Variants in MTUS2 observed in about 807,000 individuals in gnomAD.
The protein encoded by MTUS2 is microtubule-associated tumor suppressor candidate 2.
MTUS2 carries 40 observed loss-of-function variants against 114.1 expected under a neutral mutation model. The observed-to-expected ratio is 0.35, with a 90% CI of 0.27 to 0.46. MTUS2 has a LOEUF of 0.46. MTUS2 is among the 20% of genes least tolerant of loss of function. MTUS2 has a pLI of 1.00. For synonymous variants in MTUS2, 688 were observed against 672.0 expected (o/e 1.02, Z -0.37); for missense variants, 1,679 against 1,705.4 (o/e 0.98, Z 0.27).
intron 5 of MTUS2, among the ~76,000 whole-genome samples, chr13:29,158,062 G>A (rs886151117): frequency 1.3e-5 from 2 of 152,152 alleles, no homozygotes; most frequent in African/African-American, 4.8e-5. Context: ...GATGTGTTTT[G>A]TAATCGTCTC....
Position 29,325,725 on chromosome 13 carries a change from C to T in MTUS2, c.2905+1014C>T, listed in dbSNP as rs116254405. Among the ~76,000 whole-genome samples the T allele has an allele frequency of 4.4e-3, 672 of 152,208 alleles. 3 individuals are homozygous for T. Among genetic ancestry groups the T allele is most frequent in the African/African-American group, 0.015 (613 of 41,518 alleles). ...TAATGTTTGAGCTCTAACTGCATGC[C>T]AGGTACTGCCCTGTGCTCTTTCAAT... On this transcript the variant is annotated intron_variant, in intron 7 of 15. Transcript: ENST00000612955.
At chr13:29,043,812 G>T (rs1887488354) in intron 4 of MTUS2, among the ~76,000 whole-genome samples, 1 of 151,518 alleles carries the variant, frequency 6.6e-6, no homozygotes, top group African/African-American at 2.4e-5. Context: ...TAAACAATTA[G>T]CTAGAATTAA....
At chr13:29,449,754 A>G (rs1878556775) in intron 9 of MTUS2, among the ~76,000 whole-genome samples, 1 of 152,200 alleles carries the variant, frequency 6.6e-6, no homozygotes, top group Admixed American at 6.5e-5. Flanking sequence ...TATGACTTCT[A>G]CATAAAACCA....
chr13:29,477,410 G>C (rs1295585775), intron 9 of MTUS2, among the ~76,000 whole-genome samples: 1 of 152,164 alleles, frequency 6.6e-6, no homozygotes, highest in African/African-American at 2.4e-5. Flanking sequence ...TAGTTGGAGG[G>C]TCTTTAGGGA....
intron 5 of MTUS2, among the ~76,000 whole-genome samples, chr13:29,160,190 C>G (rs991977475): frequency 6.6e-5 from 10 of 152,318 alleles, no homozygotes; most frequent in African/African-American, 2.4e-4. Flanking sequence ...ACAGTTGACC[C>G]TTGAGCAACA....
intron 4 of MTUS2, among the ~76,000 whole-genome samples, chr13:29,070,488 A>G (rs1438256382): frequency 1.3e-5 from 2 of 152,036 alleles, no homozygotes; most frequent in African/African-American, 4.8e-5. Flanking sequence ...CGGTAACACC[A>G]GTTGGGTAAA....
At chr13:29,120,238 G>C (rs1023615139) in intron 5 of MTUS2, among the ~76,000 whole-genome samples, 6 of 152,046 alleles carry the variant, frequency 3.9e-5, no homozygotes, top group Admixed American at 3.9e-4. Context: ...ATTTAAAAAA[G>C]AAACCTTAAA....
intron 8 of MTUS2, among the ~76,000 whole-genome samples, chr13:29,376,333 G>T (rs532700445): frequency 6.6e-6 from 1 of 152,154 alleles, no homozygotes; most frequent in South Asian, 2.1e-4. Context: ...CACTTGTGGT[G>T]GTTAGATATT....
chr13:29,370,558 G>T (rs1871113886), intron 8 of MTUS2, among the ~76,000 whole-genome samples: 1 of 152,076 alleles, frequency 6.6e-6, no homozygotes, highest in Non-Finnish European at 1.5e-5. Context: ...GATATATTTG[G>T]CTCCTATCTT....
chr13:29,025,007 C>T lies in MTUS2; in HGVS notation c.309C>T (p.Thr103=). 1.2e-6 allele frequency: 2 copies of T among 1,613,942 alleles called. No homozygotes were observed. The highest frequency in any genetic ancestry group is 1.7e-6 in the Non-Finnish European group (2 of 1,179,892). ...TGAAAGATTTTAGACTTTCTTCAAC[C>T]ATTCAGAGGGAACTCAATGAAGAGC... The part of the protein sequence containing the change: ...ASLKDFRLSS[T]IQRELNEEHT... Residue 103 remains threonine, a synonymous_variant, in exon 3 of 16, where the codon ACC becomes ACT. Coordinates refer to ENST00000612955, the MANE Select transcript of MTUS2 (RefSeq NM_001033602.4).
chr13:29,405,901 T>G (rs1288518561), intron 8 of MTUS2, among the ~76,000 whole-genome samples: 3 of 151,986 alleles, frequency 2.0e-5, no homozygotes, highest in East Asian at 3.9e-4. Flanking sequence ...CCACCATGCC[T>G]GACTAATTTT....
At chr13:29,011,678 A>G (rs1055368465) in intron 2 of MTUS2, among the ~76,000 whole-genome samples, 35 of 152,182 alleles carry the variant, frequency 2.3e-4, no homozygotes, top group African/African-American at 8.2e-4. Context: ...TTCCTTTAAT[A>G]TATTCCAAGC....
intron 8 of MTUS2, among the ~76,000 whole-genome samples, chr13:29,382,513 T>C (rs1420656608): frequency 6.6e-6 from 1 of 152,158 alleles, no homozygotes; most frequent in Non-Finnish European, 1.5e-5. Flanking sequence ...GGATGAGGTC[T>C]AGGTCTTTGG....
intron 2 of MTUS2, among the ~76,000 whole-genome samples, chr13:28,950,727 C>T (rs1011719505): frequency 6.6e-6 from 1 of 152,066 alleles, no homozygotes; most frequent in Non-Finnish European, 1.5e-5. Flanking sequence ...GCTCCCAAAA[C>T]AGTATAATAG....
chr13:28,940,899 G>C (rs1349960032), intron 2 of MTUS2, among the ~76,000 whole-genome samples: 1 of 152,010 alleles, frequency 6.6e-6, no homozygotes, highest in South Asian at 2.1e-4. Context: ...AGTAATGTTT[G>C]AAGAGATAAT....
intron 5 of MTUS2, among the ~76,000 whole-genome samples, chr13:29,248,507 TG>T (rs1209940264): frequency 6.6e-6 from 1 of 152,246 alleles, no homozygotes; most frequent in Non-Finnish European, 1.5e-5. Context: ...AGGATACATG[TG>T]GTGAATGTAC....
At chr13:28,979,411 C>T (rs1884260313) in intron 2 of MTUS2, among the ~76,000 whole-genome samples, 1 of 152,096 alleles carries the variant, frequency 6.6e-6, no homozygotes, top group Admixed American at 6.5e-5. Context: ...AGGCCCTTTC[C>T]ATTTTTAAGA....
At chr13:29,226,840 A>T (rs1896125221) in intron 5 of MTUS2, among the ~76,000 whole-genome samples, 2 of 152,204 alleles carry the variant, frequency 1.3e-5, no homozygotes. Context: ...TAAAAGCCAA[A>T]ATTAAGCCAT....
rs1337877350 is a variant in MTUS2 at position 29,375,609 on chromosome 13, G to GTATA, written c.3117+16163_3117+16166dup. ...TATACGTATATATATATATATATAC[G>GTATA]TATATATATATATATATATATATAT... On this transcript the variant is annotated intron_variant, in intron 8 of 15. Transcript: ENST00000612955. 9.1e-4 allele frequency among the ~76,000 whole-genome samples: 3 copies of GTATA among 3,306 alleles called. 1 individual carries two copies. The highest frequency in any genetic ancestry group is 2.8e-3 in the African/African-American group (3 of 1,074). 2.2% of individuals were successfully genotyped at this position (3,306 alleles called of 152,430 possible).
Sources: gnomAD v4.1 joint callset for allele counts (sites outside exome capture counted in the v4.1 genomes callset) on GRCh38, gnomAD v4.1.1 for gene constraint, MANE v1.5 for transcripts, NCBI Gene and HGNC (gene_info 2026-07-23, HGNC 2026-07-21) for gene names.